ZNF263: variants seen among roughly 807,000 people sequenced by gnomAD.
The protein encoded by ZNF263 is zinc finger protein FPM315.
ZNF263 carries 49 observed loss-of-function variants against 63.1 expected under a neutral mutation model. The observed-to-expected ratio is 0.78, with a 90% CI of 0.62 to 0.99. The LOEUF (loss-of-function observed/expected upper bound fraction) is 0.99. ZNF263 is among the 50% of genes least tolerant of loss of function. The pLI, the probability that ZNF263 is intolerant of heterozygous loss-of-function variation, is 0.00. For missense variants in ZNF263, 872 were observed against 854.8 expected, an observed-to-expected ratio of 1.02 and a Z score of -0.25; for synonymous variants, 352 against 324.2, an observed-to-expected ratio of 1.09 and a Z score of -0.92.
Position 3,290,411 on chromosome 16 carries a change from G to A in ZNF263, c.1905G>A (p.Glu635=), listed in dbSNP as rs756536911. ...HTGEKPYTCH[E]CGDSFSHSSN... is the part of the protein sequence containing the mutation. ...GAGAAAAACCCTATACCTGTCATGAGTGCGGAGACAGCTTCTCTCACAGCT... is the reference window on the plus strand; with the variant it reads ...GAGAAAAACCCTATACCTGTCATGAATGCGGAGACAGCTTCTCTCACAGCT... The change falls in exon 6 of 6, where the codon GAG becomes GAA. Residue 635 remains glutamate (E), a synonymous_variant. Transcript: ENST00000219069. 6.2e-7 allele frequency: 1 copy of A among 1,614,158 alleles called. No individual in the cohort carries two copies. Among genetic ancestry groups the A allele is most frequent in the Non-Finnish European group, 8.5e-7 (1 of 1,180,040 alleles).
intron 4 of ZNF263, chr16:3,286,384 T>C (rs1392389199): frequency 2.2e-5 from 10 of 461,336 alleles, no homozygotes; most frequent in Admixed American, 4.3e-5. Context: ...GTCTGAGCCA[T>C]GTGCACTTCC....
Position 3,285,915 on chromosome 16 carries a change from C to CT in ZNF263, c.643-108_643-107insT, listed in dbSNP as rs370197792. On this transcript the variant is annotated intron_variant, in intron 3 of 5. Transcript: ENST00000219069. ...ACTTGGAGGCCTGATACCCTTCTTC[C>CT]CCCCTGACATGTGCTTGGCATCCCT... 638 of 1,577,954 alleles carry CT rather than the reference C, an allele frequency of 4.0e-4. 7 individuals carry two copies. The African/African-American group carries it at 7.6e-3, about 19-fold the overall frequency.
At chr16:3,284,962 G>C (rs1959286308) in intron 1 of ZNF263, 97 bp from the exon 2 acceptor site, 1 of 1,462,262 alleles carries the variant, frequency 6.8e-7, no homozygotes, top group African/African-American at 1.4e-5. Context: ...GGGATCGCCT[G>C]AGGTTCTCTG....
In ZNF263 at chr16:3,288,441, T is replaced by C. The variant is rs200008162; in HGVS notation, c.770-13T>C. 88 of 1,595,164 alleles carry C rather than the reference T, an allele frequency of 5.5e-5. No homozygotes were observed. The highest frequency in any genetic ancestry group is 7.0e-5 in the Non-Finnish European group (81 of 1,164,084). The stretch of plus-strand genomic sequence containing the variant: ...GTGGCAGTACAGAAATCTGTTTCTT[T>C]CATTGTGAACAGAGTCTCACATTCC... On this transcript the variant is annotated splice_polypyrimidine_tract_variant and intron_variant, in intron 4 of 5. Coordinates refer to ENST00000219069, the MANE Select transcript of ZNF263 (RefSeq NM_005741.5).
chr16:3,291,461 TG>T, downstream of ZNF263: 3 of 985,144 alleles, frequency 3.0e-6, no homozygotes, highest in Non-Finnish European at 3.6e-6. Context: ...GAAACATAAA[TG>T]TCTGTGAGTC....
chr16:3,288,766 C>T (rs1332718508), intron 5 of ZNF263, among the ~76,000 whole-genome samples, 196 bp downstream of exon 5: 2 of 152,170 alleles, frequency 1.3e-5, no homozygotes, highest in African/African-American at 4.8e-5. Flanking sequence ...CTGCCTCAGC[C>T]TCCCGAGTAG....
At chr16:3,289,023 C>T (rs1192600118) in intron 5 of ZNF263, among the ~76,000 whole-genome samples, 3 of 152,116 alleles carry the variant, frequency 2.0e-5, no homozygotes, top group Non-Finnish European at 2.9e-5. Flanking sequence ...TTGACCCTGC[C>T]ATTCTCCATC....
downstream of ZNF263, among the ~76,000 whole-genome samples, chr16:3,295,876 G>T (rs1959732325): frequency 6.6e-6 from 1 of 152,188 alleles, no homozygotes; most frequent in South Asian, 2.1e-4. Context: ...CGTGGGCCGA[G>T]ACCCGTCTAA....
intron 1 of ZNF263, among the ~76,000 whole-genome samples, chr16:3,297,757 C>T (rs940432181): frequency 1.3e-5 from 2 of 152,072 alleles, no homozygotes; most frequent in African/African-American, 4.8e-5. Context: ...AGCCACCGCG[C>T]CCGGCCAGAA....
chr16:3,284,776 G>A (rs1161903897), intron 1 of ZNF263, among the ~76,000 whole-genome samples: 3 of 152,162 alleles, frequency 2.0e-5, no homozygotes, highest in Non-Finnish European at 1.5e-5. Flanking sequence ...CTATCCTATA[G>A]TGAGGAATAG....
At chr16:3,288,607 G>C in intron 5 of ZNF263, 37 bp downstream of exon 5, 2 of 1,498,586 alleles carry the variant, frequency 1.3e-6, no homozygotes, top group African/African-American at 1.4e-5. Flanking sequence ...GCAGCAAGCA[G>C]CAAGGCTCTT....
downstream of ZNF263, chr16:3,293,178 G>A (rs1959659437): frequency 6.6e-6 from 1 of 152,190 alleles, no homozygotes; most frequent in Admixed American, 6.5e-5. Flanking sequence ...CTTGCATCAT[G>A]GGGACGGTTT....
rs757438406 is a variant in ZNF263, at chr16:3,285,012, C to T, written c.388-47C>T. 7 of 1,602,372 alleles carry T rather than the reference C, an allele frequency of 4.4e-6. No individual in the cohort carries two copies. The East Asian group carries it at 1.1e-4, about 26-fold the overall frequency. On this transcript the variant is annotated intron_variant, in intron 1 of 5. Transcript: ENST00000219069. ...TCAGTATCCTATACTAATTTCCCTT[C>T]CTCTTGGGCCCTGTTGTGATGATGA...
Position 3,285,680 on chromosome 16 carries a change from G to A in ZNF263, c.569-1G>A. 6.2e-7 allele frequency: 1 copy of A among 1,614,040 alleles called. No individual in the cohort carries two copies. The highest frequency in any genetic ancestry group is 2.2e-5 in the East Asian group (1 of 44,876). On this transcript the variant is annotated splice_acceptor_variant, in intron 2 of 5. Transcript: ENST00000219069. LOFTEE classifies it high-confidence loss of function. The stretch of plus-strand genomic sequence containing the variant: ...CTCATTATAATTTCTGTCACCTTCA[G>A]CATTATCTGCTCCCTGGCTTTCTCT...
Position 3,291,057 on chromosome 16 carries a change from G to GC in ZNF263, c.*503dup, listed in dbSNP as rs1437303209. The GC allele has an allele frequency of 2.0e-6, 2 of 993,500 alleles. No individual in the cohort carries two copies. The highest frequency in any genetic ancestry group is 2.2e-4 in the East Asian group (2 of 9,050). 61.5% of individuals were successfully genotyped at this position (993,500 alleles called of 1,614,324 possible). Reference sequence around the variant, plus strand: ...GTTGTGAGTTGCAGCTGTCCCGAAGGCCCCAGTTGGGAAGCCATGGGCAGT... The same window carrying GC: ...GTTGTGAGTTGCAGCTGTCCCGAAGGCCCCCAGTTGGGAAGCCATGGGCAGT... On this transcript the variant is annotated 3_prime_UTR_variant, in exon 6 of 6. Coordinates refer to ENST00000219069, the MANE Select transcript of ZNF263 (RefSeq NM_005741.5).
At chr16:3,284,259 G>A in intron 1 of ZNF263, 54 bp downstream of exon 1, 1 of 1,456,838 alleles carries the variant, frequency 6.9e-7, no homozygotes, top group Non-Finnish European at 9.1e-7. Context: ...CTGAGCACTG[G>A]GACATTGCGC....
intron 1 of ZNF263, among the ~76,000 whole-genome samples, chr16:3,297,535 G>A (rs1959791180): frequency 7.1e-6 from 1 of 141,380 alleles, no homozygotes; most frequent in South Asian, 2.3e-4. Context: ...CGCGATCTCG[G>A]CTCACTGCAA....
At chr16:3,292,903 T>C (rs1413863581), downstream of ZNF263, 1 of 152,234 alleles carries the variant, frequency 6.6e-6, no homozygotes, top group African/African-American at 2.4e-5. Context: ...GCCTGGCATG[T>C]AAGAAAGTGC....
chr16:3,286,376 C>A (rs1596370269), intron 4 of ZNF263: 1 of 496,152 alleles, frequency 2.0e-6, no homozygotes. Flanking sequence ...TAAGGCGAGT[C>A]TGAGCCATGT....
Sources: allele counts gnomAD v4.1 joint callset (sites outside exome capture counted in the v4.1 genomes callset), GRCh38; gene constraint gnomAD v4.1.1; transcripts MANE v1.5; gene names NCBI Gene and HGNC (gene_info 2026-07-23, HGNC 2026-07-21).